PLCB4: variants seen among roughly 807,000 people sequenced by gnomAD.
PLCB4 encodes the protein 1-phosphatidylinositol 4,5-bisphosphate phosphodiesterase beta-4.
A neutral mutation model predicts 178.8 loss-of-function variants in PLCB4; 77 were observed. That is an observed-to-expected ratio of 0.43 (90% confidence interval 0.36 to 0.52). The LOEUF is 0.52. Among genes scored for constraint, PLCB4 ranks in the 20% least tolerant of loss-of-function variants. The pLI is 0.00. For missense variants in PLCB4, 1,024 were observed against 1,453.4 expected (o/e 0.70, Z 4.80); for synonymous variants, 496 against 490.8 (o/e 1.01, Z -0.14).
intron 35 of PLCB4, among the ~76,000 whole-genome samples, chr20:9,464,942 A>G (rs1233729139): frequency 6.6e-6 from 1 of 152,226 alleles, no homozygotes; most frequent in African/African-American, 2.4e-5. Context: ...TGAGGCCAGC[A>G]TCATCCTGAT....
At chr20:9,167,658 T>C (rs1380333481) in intron 2 of PLCB4, among the ~76,000 whole-genome samples, 1 of 152,252 alleles carries the variant, frequency 6.6e-6, no homozygotes, top group Non-Finnish European at 1.5e-5. Context: ...TTGGTAATTA[T>C]GTTTCTAAAA....
At chr20:9,204,829 C>G (rs1418157754) in intron 2 of PLCB4, among the ~76,000 whole-genome samples, 1 of 151,658 alleles carries the variant, frequency 6.6e-6, no homozygotes, top group East Asian at 1.9e-4. Flanking sequence ...GATCATTGAA[C>G]ATTTGAAATG....
At chr20:9,473,994 G>A (rs2044369234) in intron 38 of PLCB4, among the ~76,000 whole-genome samples, 1 of 152,116 alleles carries the variant, frequency 6.6e-6, no homozygotes, top group Non-Finnish European at 1.5e-5. Context: ...CGAGGAGGGT[G>A]GATCAGGAGG....
chr20:9,477,560 A>G (rs1236692991), intron 39 of PLCB4, among the ~76,000 whole-genome samples: 1 of 151,668 alleles, frequency 6.6e-6, no homozygotes, highest in African/African-American at 2.4e-5. Context: ...ATAATGTTTC[A>G]CTGTCATCCC....
intron 2 of PLCB4, among the ~76,000 whole-genome samples, chr20:9,100,985 G>A (rs2091128265): frequency 6.6e-6 from 1 of 152,050 alleles, no homozygotes; most frequent in Non-Finnish European, 1.5e-5. Context: ...TAGGCTGCCC[G>A]CCTGTGAGGT....
intron 3 of PLCB4, among the ~76,000 whole-genome samples, chr20:9,293,060 C>T (rs2094594842): frequency 6.6e-6 from 1 of 151,212 alleles, no homozygotes; most frequent in South Asian, 2.1e-4. Flanking sequence ...CCCTGGGTGA[C>T]AGAGTGAGAT....
chr20:9,342,680 C>CT (rs2148103241), intron 7 of PLCB4, among the ~76,000 whole-genome samples: 1 of 146,742 alleles, frequency 6.8e-6, no homozygotes, highest in African/African-American at 2.5e-5. Context: ...TCCCCCTGTA[C>CT]TTTACTCTGA....
At chr20:9,405,583 G>C (rs1290277635) in intron 21 of PLCB4, among the ~76,000 whole-genome samples, 1 of 152,118 alleles carries the variant, frequency 6.6e-6, no homozygotes, top group Non-Finnish European at 1.5e-5. Flanking sequence ...TCAGCATATT[G>C]AATTTGAAAA....
chr20:9,253,164 T>G, intron 3 of PLCB4, among the ~76,000 whole-genome samples: 1 of 152,230 alleles, frequency 6.6e-6, no homozygotes, highest in Non-Finnish European at 1.5e-5. Context: ...TAAGCAGTAC[T>G]ATGGTAGAAG....
At chr20:9,199,944 C>T (rs1328975279) in intron 2 of PLCB4, among the ~76,000 whole-genome samples, 2 of 145,162 alleles carry the variant, frequency 1.4e-5, no homozygotes, top group Non-Finnish European at 3.0e-5. Context: ...TCCTGTCAAT[C>T]TCAGCCTACA....
chr20:9,392,062 G>C (rs1226609654), intron 17 of PLCB4, among the ~76,000 whole-genome samples: 1 of 152,240 alleles, frequency 6.6e-6, no homozygotes, highest in Non-Finnish European at 1.5e-5. Context: ...TATTTTATTT[G>C]TTTTTACCTA....
At chr20:9,153,503 A>T (rs145082990) in intron 2 of PLCB4, among the ~76,000 whole-genome samples, 2,808 of 152,216 alleles carry the variant, frequency 0.018, 32 homozygotes, top group East Asian at 0.053. Context: ...GCTGCCATGT[A>T]AGAAGTGCCT....
intron 4 of PLCB4, among the ~76,000 whole-genome samples, chr20:9,331,318 A>G (rs2031612427): frequency 6.6e-6 from 1 of 152,240 alleles, no homozygotes; most frequent in Non-Finnish European, 1.5e-5. Flanking sequence ...AATAAGGTAG[A>G]GTTAAAGCTT....
At chr20:9,404,430 T>C (rs1490697779) in intron 20 of PLCB4, among the ~76,000 whole-genome samples, 1 of 152,044 alleles carries the variant, frequency 6.6e-6, no homozygotes, top group Non-Finnish European at 1.5e-5. Flanking sequence ...CTATTAAGAC[T>C]CAAGAGTATT....
chr20:9,434,439 G>A (rs1264949353), intron 28 of PLCB4, among the ~76,000 whole-genome samples: 1 of 151,996 alleles, frequency 6.6e-6, no homozygotes, highest in Non-Finnish European at 1.5e-5. Flanking sequence ...ACATTGGCAC[G>A]ATCTCTGCTC....
intron 7 of PLCB4, among the ~76,000 whole-genome samples, chr20:9,347,096 T>G (rs1486185094): frequency 6.6e-6 from 1 of 152,234 alleles, no homozygotes; most frequent in East Asian, 1.9e-4. Flanking sequence ...GACCAGATTT[T>G]GTGAACTCAG....
At chr20:9,395,417 C>A in intron 18 of PLCB4, 106 bp from the exon 19 acceptor site, 1 of 748,254 alleles carries the variant, frequency 1.3e-6, no homozygotes. Context: ...CCTGAACATT[C>A]TATTTCTTCT....
At chr20:9,214,560 G>GACAC (rs11474652) in intron 2 of PLCB4, among the ~76,000 whole-genome samples, 39,503 of 145,394 alleles carry the variant, frequency 0.27, 6,465 homozygotes, top group African/African-American at 0.46. Context: ...AAACACCCCA[G>GACAC]ACACACACAC....
intron 2 of PLCB4, among the ~76,000 whole-genome samples, chr20:9,119,771 A>G (rs1220159346): frequency 6.6e-6 from 1 of 152,232 alleles, no homozygotes; most frequent in Non-Finnish European, 1.5e-5. Flanking sequence ...TTTACGCAGT[A>G]CGGTAAGTTT....
Sources: gnomAD v4.1 joint callset for allele counts (sites outside exome capture counted in the v4.1 genomes callset) on GRCh38, gnomAD v4.1.1 for gene constraint, MANE v1.5 for transcripts, NCBI Gene and HGNC (gene_info 2026-07-23, HGNC 2026-07-21) for gene names.